Variants in THADA observed in about 807,000 individuals in gnomAD.
THADA encodes the protein THADA armadillo repeat containing.
In THADA, 213 loss-of-function variants were observed where a neutral mutation model predicts 219.8. The ratio of observed to expected loss-of-function variants is 0.97; its 90% CI spans 0.87 to 1.09. The LOEUF is 1.09. Ranked by LOEUF, THADA falls within the 50% of genes least tolerant of loss-of-function variation. The pLI is 0.00. For synonymous variants in THADA, 1,018 were observed against 828.9 expected (o/e 1.23, Z -3.92); for missense variants, 2,956 against 2,311.3 (o/e 1.28, Z -5.72).
At chr2:43,422,826 C>T (rs971295422) in intron 28 of THADA, among the ~76,000 whole-genome samples, 37 of 152,214 alleles carry the variant, frequency 2.4e-4, no homozygotes, top group African/African-American at 8.7e-4. Flanking sequence ...CTCAAGCAAT[C>T]CTCCCACCGC....
At chr2:43,587,052 A>G (rs768887194) in intron 4 of THADA, 50 bp from the exon 5 acceptor site, 2 of 1,548,434 alleles carry the variant, frequency 1.3e-6, no homozygotes, top group Non-Finnish European at 1.8e-6. Context: ...TAGCCCCAGA[A>G]TATGTGGAGA....
At chr2:43,535,225 T>G (rs1694411742) in intron 21 of THADA, among the ~76,000 whole-genome samples, 1 of 149,312 alleles carries the variant, frequency 6.7e-6, no homozygotes, top group Non-Finnish European at 1.5e-5. Context: ...CCTGTACATT[T>G]TGGACATTAA....
At chr2:43,380,428 G>T (rs1432036217) in intron 29 of THADA, among the ~76,000 whole-genome samples, 2 of 152,184 alleles carry the variant, frequency 1.3e-5, no homozygotes, top group African/African-American at 4.8e-5. Flanking sequence ...GATGACAGGA[G>T]CTAGGTTTCT....
intron 29 of THADA, among the ~76,000 whole-genome samples, chr2:43,361,164 T>C (rs76289490): frequency 2.0e-5 from 3 of 152,320 alleles, no homozygotes; most frequent in Non-Finnish European, 2.9e-5. Context: ...AAATGTCAAT[T>C]GTGCTGAGGG....
In THADA at chr2:43,571,935, C is replaced by T. The variant is rs550476099; in HGVS notation, c.1909-73G>A. 465 of 1,407,384 alleles carry T rather than the reference C, an allele frequency of 3.3e-4. 7 individuals are homozygous for T. The South Asian group carries it at 5.7e-3, about 17-fold the overall frequency. 87.2% of individuals were successfully genotyped at this position (1,407,384 alleles called of 1,614,324 possible). Reference sequence around the variant, plus strand: ...AAGCCTAAATCACTTGAATTGCTTACTTACATAGGCTACAAAAGGAAAAAA... The same window carrying T: ...AAGCCTAAATCACTTGAATTGCTTATTTACATAGGCTACAAAAGGAAAAAA... On this transcript the variant is annotated intron_variant, in intron 12 of 37. Coordinates refer to ENST00000405975, the MANE Select transcript of THADA (RefSeq NM_022065.5).
At chr2:43,497,418 C>T (rs1376522248) in intron 25 of THADA, among the ~76,000 whole-genome samples, 2 of 152,162 alleles carry the variant, frequency 1.3e-5, no homozygotes, top group Admixed American at 6.5e-5. Context: ...CCATCATCCT[C>T]AGCAAACTAA....
At chr2:43,582,689 C>T (rs992114304) in intron 7 of THADA, among the ~76,000 whole-genome samples, 1 of 149,890 alleles carries the variant, frequency 6.7e-6, no homozygotes, top group Admixed American at 6.6e-5. Context: ...CCTGCCTCAT[C>T]CTCCCAAGTA....
At chr2:43,402,838 C>T (rs1398160789) in intron 28 of THADA, among the ~76,000 whole-genome samples, 1 of 152,190 alleles carries the variant, frequency 6.6e-6, no homozygotes, top group Non-Finnish European at 1.5e-5. Context: ...GGTGATCATG[C>T]CCAGCTCTGC....
chr2:43,393,479 G>T (rs1397939456), intron 29 of THADA, among the ~76,000 whole-genome samples: 1 of 151,336 alleles, frequency 6.6e-6, no homozygotes, highest in African/African-American at 2.5e-5. Flanking sequence ...GGCCGAGGTT[G>T]GGGGGATCAC....
intron 30 of THADA, among the ~76,000 whole-genome samples, chr2:43,331,829 G>A (rs1401235634): frequency 6.6e-6 from 1 of 151,578 alleles, no homozygotes; most frequent in African/African-American, 2.4e-5. Context: ...CTTACTGTAT[G>A]TACTTCTATG....
chr2:43,305,853 T>C (rs1173206024), intron 31 of THADA, among the ~76,000 whole-genome samples: 2 of 152,090 alleles, frequency 1.3e-5, no homozygotes, highest in South Asian at 2.1e-4. Flanking sequence ...GACACAAACA[T>C]AGTTATTTCT....
At chr2:43,589,958 A>T (rs1393668464) in intron 4 of THADA, among the ~76,000 whole-genome samples, 1 of 152,228 alleles carries the variant, frequency 6.6e-6, no homozygotes, top group African/African-American at 2.4e-5. Flanking sequence ...TCTTTAGTGA[A>T]AAAACAAGCT....
rs1256764446 is a variant in THADA at position 43,515,255 on chromosome 2, TAA to T, written c.3375-6477_3375-6476del. On this transcript the variant is annotated intron_variant, in intron 22 of 37. Transcript: ENST00000405975. ...TATATAATATATAATATATTATATATAATATATAATATATAATATATAATATA... is the reference window on the plus strand; with the variant it reads ...TATATAATATATAATATATTATATATTATATAATATATAATATATAATATA... Among the ~76,000 whole-genome samples the T allele has an allele frequency of 6.5e-4, 10 of 15,340 alleles. 2 individuals carry two copies. Among genetic ancestry groups the T allele is most frequent in the African/African-American group, 1.9e-3 (8 of 4,142 alleles). The allele number at this position is 15,340 out of a possible 152,430, so 10.1% of individuals were successfully genotyped here.
chr2:43,403,434 T>C (rs1675120963), intron 28 of THADA, among the ~76,000 whole-genome samples: 3 of 152,184 alleles, frequency 2.0e-5, no homozygotes, highest in Non-Finnish European at 4.4e-5. Context: ...CCAGAGTGGC[T>C]GAAAGAAACT....
At chr2:43,317,504 C>T (rs1385773580) in intron 31 of THADA, among the ~76,000 whole-genome samples, 1 of 152,170 alleles carries the variant, frequency 6.6e-6, no homozygotes, top group Non-Finnish European at 1.5e-5. Context: ...ATCTACACAT[C>T]CAAGTAAGTG....
At chr2:43,442,701 A>G (rs1399283684) in intron 26 of THADA, among the ~76,000 whole-genome samples, 1 of 152,116 alleles carries the variant, frequency 6.6e-6, no homozygotes, top group African/African-American at 2.4e-5. Context: ...ACAAGAGCAG[A>G]TGGACTAGGC....
chr2:43,321,358 C>T (rs1021385235), intron 30 of THADA, among the ~76,000 whole-genome samples: 1 of 152,172 alleles, frequency 6.6e-6, no homozygotes, highest in African/African-American at 2.4e-5. Context: ...AATCAGATTC[C>T]TGACTTGTAA....
intron 4 of THADA, among the ~76,000 whole-genome samples, chr2:43,589,431 C>A (rs1000439239): frequency 2.6e-5 from 4 of 152,014 alleles, no homozygotes; most frequent in Admixed American, 6.6e-5. Flanking sequence ...AATTTATGAA[C>A]GGAAAGTGGC....
chr2:43,534,314 C>A (rs544185837), intron 21 of THADA, among the ~76,000 whole-genome samples: 25 of 152,078 alleles, frequency 1.6e-4, no homozygotes, highest in Non-Finnish European at 3.7e-4. Flanking sequence ...CTTATCATTT[C>A]TTTGTGTTAG....
Sources: gnomAD v4.1 joint callset for allele counts (sites outside exome capture counted in the v4.1 genomes callset) on GRCh38, gnomAD v4.1.1 for gene constraint, MANE v1.5 for transcripts, NCBI Gene and HGNC (gene_info 2026-07-23, HGNC 2026-07-21) for gene names.